DNAH11: variants seen among roughly 807,000 people sequenced by gnomAD.
DNAH11 encodes dynein axonemal heavy chain 11, also known as axonemal beta dynein heavy chain 11.
In DNAH11, 442 loss-of-function variants were observed where a neutral mutation model predicts 526.0. That is an observed-to-expected ratio of 0.84 (90% CI 0.78 to 0.91). The LOEUF (loss-of-function observed/expected upper bound fraction) is 0.91. Among genes scored for constraint, DNAH11 ranks in the 40% least tolerant of loss-of-function variants. The probability of loss-of-function intolerance (pLI) is 0.00; values close to 1 mark genes in which losing one functional copy is unlikely to be tolerated. For synonymous variants in DNAH11, 2,461 were observed against 1,935.9 expected, an observed-to-expected ratio of 1.27 and a Z score of -7.12; for missense variants, 6,989 against 5,448.7, an observed-to-expected ratio of 1.28 and a Z score of -8.90.
intron 27 of DNAH11, 80 bp from the exon 28 acceptor site, chr7:21,638,859 G>C: frequency 1.3e-6 from 2 of 1,500,160 alleles, no homozygotes; most frequent in South Asian, 2.7e-5. Flanking sequence ...AATGGACATA[G>C]AGGACTTGAG....
intron 9 of DNAH11, among the ~76,000 whole-genome samples, chr7:21,586,903 C>G (rs934534620): frequency 1.3e-5 from 2 of 152,196 alleles, no homozygotes; most frequent in African/African-American, 2.4e-5. Flanking sequence ...CACTGAAGCA[C>G]AAACCCGAAT....
At chr7:21,635,787 A>T in intron 25 of DNAH11, 84 bp from the exon 26 acceptor site, 2 of 1,139,566 alleles carry the variant, frequency 1.8e-6, no homozygotes, top group East Asian at 2.6e-5. Flanking sequence ...CCAGCAATAA[A>T]CAGAGTAGAT....
rs943023493 is a variant in DNAH11 at position 21,639,001 on chromosome 7, G to A, written c.4880G>A (p.Arg1627His). The A allele has an allele frequency of 6.2e-6, 10 of 1,613,446 alleles. No homozygotes were observed. Among genetic ancestry groups the A allele is most frequent in the South Asian group, 2.2e-5 (2 of 91,012 alleles). ...GAAACCAAGCGCATAGCCTTTCCTC[G>A]CTTCTATTTCGTCTCTTCTGCTGAT... ...YLETKRIAFP[R>H]FYFVSSADLL... Residue 1627 changes from arginine (R) to histidine (H), a missense_variant, in exon 28 of 82, where the codon CGC (arginine) becomes CAC (histidine). Coordinates refer to ENST00000409508, the MANE Select transcript of DNAH11 (RefSeq NM_001277115.2).
At chr7:21,567,305 C>G (rs753260114) in intron 6 of DNAH11, among the ~76,000 whole-genome samples, 1 of 152,118 alleles carries the variant, frequency 6.6e-6, no homozygotes, top group Admixed American at 6.6e-5. Flanking sequence ...TGTATTTCCT[C>G]TTGTCACCTA....
At chr7:21,825,766 T>A (rs1023554849) in intron 65 of DNAH11, among the ~76,000 whole-genome samples, 1 of 152,040 alleles carries the variant, frequency 6.6e-6, no homozygotes, top group Non-Finnish European at 1.5e-5. Context: ...GAGACCAACC[T>A]GGCGAACACG....
rs753182203 is a variant in DNAH11, at chr7:21,591,462, C to T, written c.2552C>T (p.Pro851Leu). Residue 851 changes from proline (P) to leucine (L), a missense_variant, in exon 14 of 82, where the codon CCC becomes CTC. Physicochemically the swap from Pro to Leu is moderately conservative, Grantham distance 98 (BLOSUM62 -3). Transcript: ENST00000409508. ...MRGWARCVLP[P>L]RREHRREAAF... is the part of the protein sequence containing the mutation. ...GGCTGGGCCAGGTGCGTGCTACCTC[C>T]CAGGAGAGAGCACAGACGAGAGGCA... 1.2e-6 allele frequency: 2 copies of T among 1,613,818 alleles called. No homozygotes were observed. Among genetic ancestry groups the T allele is most frequent in the East Asian group, 2.2e-5 (1 of 44,856 alleles).
At chr7:21,572,500 C>G (rs1435136489) in intron 8 of DNAH11, among the ~76,000 whole-genome samples, 4 of 152,128 alleles carry the variant, frequency 2.6e-5, no homozygotes, top group Non-Finnish European at 5.9e-5. Flanking sequence ...TCTGTCAGTT[C>G]CAGCATGTTA....
chr7:21,845,454 G>A (rs573252544), intron 66 of DNAH11, among the ~76,000 whole-genome samples: 29 of 152,134 alleles, frequency 1.9e-4, no homozygotes, highest in African/African-American at 6.7e-4. Flanking sequence ...AGCACCGTTT[G>A]TTGAAAAGAC....
At chr7:21,738,664 CT>C (rs2128489985) in intron 46 of DNAH11, 36 bp from the exon 47 acceptor site, 1 of 1,512,398 alleles carries the variant, frequency 6.6e-7, no homozygotes, top group Admixed American at 2.3e-5. Context: ...CATTTACATT[CT>C]GTTGATGGGT....
At position 21,600,099 on chromosome 7, in the gene DNAH11, C is replaced by G; in HGVS notation, c.2980C>G (p.Leu994Val). ...SAQMNRIATH[L>V]EIKNYQNDMD... ...CCAGATGAACCGAATAGCAACACACCTGGAAATTAAAAATTATCAGGTATT... is the reference window on the plus strand; with the variant it reads ...CCAGATGAACCGAATAGCAACACACGTGGAAATTAAAAATTATCAGGTATT... Residue 994 changes from leucine (L) to valine (V), a missense_variant, in exon 15 of 82, where the codon CTG becomes GTG. Coordinates refer to ENST00000409508, the MANE Select transcript of DNAH11 (RefSeq NM_001277115.2). 2 of 1,536,334 alleles carry G rather than the reference C, an allele frequency of 1.3e-6. No homozygotes were observed. Among genetic ancestry groups the G allele is most frequent in the South Asian group, 2.6e-5 (2 of 76,420 alleles).
At chr7:21,546,236 C>T (rs1219035608) in intron 2 of DNAH11, among the ~76,000 whole-genome samples, 1 of 152,154 alleles carries the variant, frequency 6.6e-6, no homozygotes, top group South Asian at 2.1e-4. Flanking sequence ...GAGGTATTTT[C>T]CTGCTGGACT....
chr7:21,543,191 C>G lies in DNAH11; in HGVS notation c.-55C>G, dbSNP rs1782650384. ...GGTGTCCTCGCTCACTTCGGGGGGCCCAGAGTCTCGGGTGAGGAGCCAGCC... is the reference window on the plus strand; with the variant it reads ...GGTGTCCTCGCTCACTTCGGGGGGCGCAGAGTCTCGGGTGAGGAGCCAGCC... On this transcript the variant is annotated 5_prime_UTR_variant, in exon 1 of 82. Transcript: ENST00000409508. 5 of 1,460,034 alleles carry G rather than the reference C, an allele frequency of 3.4e-6. No homozygotes were observed. The highest frequency in any genetic ancestry group is 2.6e-5 in the Admixed American group (1 of 38,092). The allele number at this position is 1,460,034 out of a possible 1,614,324, so 90.4% of individuals were successfully genotyped here. A position where few individuals can be genotyped will look rare whatever the true frequency, so the allele number is the denominator to read the frequency against.
At chr7:21,798,912 A>G (rs974908714) in intron 61 of DNAH11, among the ~76,000 whole-genome samples, 1 of 152,148 alleles carries the variant, frequency 6.6e-6, no homozygotes, top group African/African-American at 2.4e-5. Context: ...GCTTATTAAT[A>G]TTAAATAAAT....
At chr7:21,609,020 A>G (rs561449685) in intron 20 of DNAH11, among the ~76,000 whole-genome samples, 61 of 152,308 alleles carry the variant, frequency 4.0e-4, no homozygotes, top group African/African-American at 1.5e-3. Context: ...TTCTGAAGGC[A>G]TCTCAGTCCA....
chr7:21,724,420 C>T (rs1784994406), intron 44 of DNAH11, among the ~76,000 whole-genome samples: 1 of 152,206 alleles, frequency 6.6e-6, no homozygotes, highest in African/African-American at 2.4e-5. Flanking sequence ...AATCCAATGA[C>T]ATAGGGACGT....
rs533462829 is a variant in DNAH11, at chr7:21,812,468, A to G, written c.10333-3999A>G. On this transcript the variant is annotated intron_variant, in intron 63 of 81. Coordinates refer to ENST00000409508, the MANE Select transcript of DNAH11 (RefSeq NM_001277115.2). ...AGGATCTCTTGAGGCCAGGAGTTTG[A>G]TACCAGCCTGGGCTACACAGTGAGA... Among the ~76,000 whole-genome samples, 7 of 152,120 alleles carry G rather than the reference A, an allele frequency of 4.6e-5. 1 individual carries two copies. The South Asian group carries it at 1.5e-3, about 32-fold the overall frequency.
At chr7:21,782,900 A>G (rs1456092516) in intron 57 of DNAH11, among the ~76,000 whole-genome samples, 1 of 132,008 alleles carries the variant, frequency 7.6e-6, no homozygotes, top group Non-Finnish European at 1.6e-5. Flanking sequence ...ACAGAACGAA[A>G]CTGTCTCAAA....
chr7:21,570,227 A>T lies in DNAH11; in HGVS notation c.1353A>T (p.Arg451Ser). The change falls in exon 7 of 82, where the codon AGA becomes AGT. Residue 451 changes from arginine (R) to serine (S), a missense_variant. Transcript: ENST00000409508. ...LASYFMGRKL[R>S]PWDFQSHLVF... is the part of the protein sequence containing the mutation. The stretch of plus-strand genomic sequence containing the variant: ...GCTACTTTATGGGAAGAAAGCTGAG[A>T]CCATGGGATTTCCAGTCTCATCTGG... 6.2e-7 allele frequency: 1 copy of T among 1,613,422 alleles called. No homozygotes were observed. Among genetic ancestry groups the T allele is most frequent in the East Asian group, 2.2e-5 (1 of 44,866 alleles).
rs796396920 is a variant in DNAH11 at position 21,816,617 on chromosome 7, G to A, written c.10483G>A (p.Val3495Met). Residue 3495 changes from valine (V) to methionine (M), a missense_variant, in exon 64 of 82, where the codon GTG becomes ATG. Coordinates refer to ENST00000409508, the MANE Select transcript of DNAH11 (RefSeq NM_001277115.2). ...AACACACTGTGAGCGCTGGCCTCTG[G>A]TGATAGATCCCCAGCAACAGGGAAT... ...ILTHCERWPL[V>M]IDPQQQGIKW... The A allele has an allele frequency of 9.3e-6, 15 of 1,613,732 alleles. No homozygotes were observed. In the African/African-American group the frequency reaches 1.9e-4, roughly 20 times the overall value.
Sources: allele counts gnomAD v4.1 joint callset (sites outside exome capture counted in the v4.1 genomes callset), GRCh38; gene constraint gnomAD v4.1.1; transcripts MANE v1.5; gene names NCBI Gene and HGNC (gene_info 2026-07-23, HGNC 2026-07-21).